Variants in CCDC85A observed in about 807,000 individuals in gnomAD.
CCDC85A encodes coiled-coil domain containing 85A.
A neutral mutation model predicts 50.2 loss-of-function variants in CCDC85A; 38 were observed. That is an observed-to-expected ratio of 0.76 (90% CI 0.58 to 0.99). The LOEUF is 0.99. Ranked by LOEUF, CCDC85A falls within the 50% of genes least tolerant of loss-of-function variation. The pLI is 0.00. For missense variants in CCDC85A, 820 were observed against 742.0 expected, an observed-to-expected ratio of 1.11 and a Z score of -1.22; for synonymous variants, 366 against 301.4, an observed-to-expected ratio of 1.21 and a Z score of -2.22.
intron 2 of CCDC85A, among the ~76,000 whole-genome samples, chr2:56,320,840 AAG>A (rs1428534027): frequency 1.3e-5 from 2 of 152,194 alleles, no homozygotes; most frequent in African/African-American, 4.8e-5. Context: ...ACAATAAAAA[AAG>A]AGAATTTTAG....
intron 2 of CCDC85A, among the ~76,000 whole-genome samples, chr2:56,267,021 G>A (rs1264712108): frequency 6.6e-6 from 1 of 152,112 alleles, no homozygotes; most frequent in Non-Finnish European, 1.5e-5. Context: ...TTAGGCAAAT[G>A]AAGACAGCTT....
At chr2:56,376,539 A>T (rs946413735) in intron 5 of CCDC85A, among the ~76,000 whole-genome samples, 1 of 152,166 alleles carries the variant, frequency 6.6e-6, no homozygotes, top group Non-Finnish European at 1.5e-5. Flanking sequence ...ATTTCACAAA[A>T]AATTGCCTAA....
intron 2 of CCDC85A, among the ~76,000 whole-genome samples, chr2:56,281,389 T>C (rs1671201252): frequency 6.6e-6 from 1 of 152,216 alleles, no homozygotes; most frequent in Admixed American, 6.5e-5. Flanking sequence ...GTCATGGACA[T>C]ACAAGTCTTT....
intron 4 of CCDC85A, among the ~76,000 whole-genome samples, chr2:56,372,939 C>T (rs1292339756): frequency 1.3e-5 from 2 of 152,078 alleles, no homozygotes; most frequent in Admixed American, 6.6e-5. Context: ...TTTTAAATTC[C>T]CTGTTTGGCT....
intron 2 of CCDC85A, among the ~76,000 whole-genome samples, chr2:56,248,738 G>A (rs1324299913): frequency 6.6e-6 from 1 of 152,228 alleles, no homozygotes; most frequent in Non-Finnish European, 1.5e-5. Flanking sequence ...GCAGGGCTGA[G>A]CTGAGTGCCA....
At chr2:56,220,735 G>T (rs1188698567) in intron 2 of CCDC85A, among the ~76,000 whole-genome samples, 2 of 152,016 alleles carry the variant, frequency 1.3e-5, no homozygotes, top group African/African-American at 2.4e-5. Flanking sequence ...CAAATGCATT[G>T]TCTAAAAGCT....
chr2:56,375,830 GTCA>G lies in CCDC85A; in HGVS notation c.1471_1473del (p.Ser491del), dbSNP rs1310275422. ...TTTCTACTAAGGGTTCTTTTAGGTT[GTCA>G]TCAGGGGCTGATGGGAGTAACAGTT... On this transcript the variant is annotated inframe_deletion, in exon 5 of 6. Transcript: ENST00000407595. 6.2e-7 allele frequency: 1 copy of G among 1,613,546 alleles called. No homozygotes were observed. The highest frequency in any genetic ancestry group is 1.1e-5 in the South Asian group (1 of 91,010).
chr2:56,248,072 G>C (rs1669588633), intron 2 of CCDC85A, among the ~76,000 whole-genome samples: 1 of 152,186 alleles, frequency 6.6e-6, no homozygotes, highest in African/African-American at 2.4e-5. Flanking sequence ...ATTTCAGAAA[G>C]TGACAGGGGA....
chr2:56,305,087 A>G (rs1274321306), intron 2 of CCDC85A, among the ~76,000 whole-genome samples: 1 of 149,308 alleles, frequency 6.7e-6, no homozygotes, highest in Non-Finnish European at 1.5e-5. Flanking sequence ...TGGGCGACAG[A>G]GCAAGACTCT....
Position 56,277,463 on chromosome 2 carries a change from T to C in CCDC85A, c.1241-65416T>C, listed in dbSNP as rs150166053. Among the ~76,000 whole-genome samples, 554 of 152,238 alleles carry C rather than the reference T, an allele frequency of 3.6e-3. 2 individuals are homozygous for C. Among genetic ancestry groups the C allele is most frequent in the Middle Eastern group, 0.017 (5 of 294 alleles). Reference sequence around the variant, plus strand: ...AGAATTTTAGAGCTGAAAAAAAACCTTTAGAGATTCTTTTTTCTTTCCATT... The same window carrying C: ...AGAATTTTAGAGCTGAAAAAAAACCCTTAGAGATTCTTTTTTCTTTCCATT... On this transcript the variant is annotated intron_variant, in intron 2 of 5. Transcript: ENST00000407595.
At chr2:56,343,423 T>G (rs1990758) in intron 3 of CCDC85A, among the ~76,000 whole-genome samples, 19,391 of 152,210 alleles carry the variant, frequency 0.13, 1,364 homozygotes, top group East Asian at 0.31. Flanking sequence ...TTGAACTCTT[T>G]CAGTGCAACA....
At chr2:56,335,942 G>A (rs1674050934) in intron 2 of CCDC85A, among the ~76,000 whole-genome samples, 1 of 152,032 alleles carries the variant, frequency 6.6e-6, no homozygotes, top group Admixed American at 6.5e-5. Flanking sequence ...ACCCATGAGG[G>A]TGGAGCCCTC....
chr2:56,225,778 C>G (rs1394624438), intron 2 of CCDC85A, among the ~76,000 whole-genome samples: 1 of 152,134 alleles, frequency 6.6e-6, no homozygotes, highest in African/African-American at 2.4e-5. Flanking sequence ...CATGGGATGT[C>G]CATCTTGCTA....
intron 2 of CCDC85A, among the ~76,000 whole-genome samples, chr2:56,208,456 A>G (rs1313855751): frequency 1.3e-5 from 2 of 152,116 alleles, no homozygotes; most frequent in Non-Finnish European, 2.9e-5. Context: ...GAGTATTTTG[A>G]AGTAGTGGTA....
intron 2 of CCDC85A, among the ~76,000 whole-genome samples, chr2:56,216,372 A>T (rs1470175320): frequency 6.6e-6 from 1 of 151,722 alleles, no homozygotes; most frequent in Non-Finnish European, 1.5e-5. Flanking sequence ...GTCCTTACCA[A>T]CAACGACTAT....
intron 2 of CCDC85A, among the ~76,000 whole-genome samples, chr2:56,220,891 G>T (rs932696213): frequency 3.9e-5 from 6 of 151,982 alleles, no homozygotes; most frequent in African/African-American, 1.2e-4. Context: ...GTATGCAGGT[G>T]GTCAAGGATG....
At chr2:56,290,694 AC>A (rs1216984132) in intron 2 of CCDC85A, among the ~76,000 whole-genome samples, 1 of 152,244 alleles carries the variant, frequency 6.6e-6, no homozygotes, top group African/African-American at 2.4e-5. Flanking sequence ...AAATTTTATC[AC>A]CAGCTTCTTT....
At chr2:56,311,843 T>A (rs921057831) in intron 2 of CCDC85A, among the ~76,000 whole-genome samples, 3 of 152,044 alleles carry the variant, frequency 2.0e-5, no homozygotes, top group Non-Finnish European at 2.9e-5. Flanking sequence ...CTATTTCTGC[T>A]CCTCAAAGGG....
At chr2:56,306,207 AC>A in intron 2 of CCDC85A, among the ~76,000 whole-genome samples, 1 of 152,072 alleles carries the variant, frequency 6.6e-6, no homozygotes, top group South Asian at 2.1e-4. Context: ...TCAGCTCAGT[AC>A]AACCTCCGCC....
Sources: gnomAD v4.1 joint callset for allele counts (sites outside exome capture counted in the v4.1 genomes callset) on GRCh38, gnomAD v4.1.1 for gene constraint, MANE v1.5 for transcripts, NCBI Gene and HGNC (gene_info 2026-07-23, HGNC 2026-07-21) for gene names.